Variants in ABCA1 observed in about 807,000 individuals in gnomAD.
ABCA1 encodes the protein ATP binding cassette subfamily A member 1, also known as phospholipid-transporting ATPase ABCA1.
A neutral mutation model predicts 262.5 loss-of-function variants in ABCA1; 133 were observed. That is an observed-to-expected ratio of 0.51 (90% CI 0.44 to 0.59). The LOEUF is 0.59. Among genes scored for constraint, ABCA1 ranks in the 20% least tolerant of loss-of-function variants. The pLI, the probability that ABCA1 is intolerant of heterozygous loss-of-function variation, is 0.00. For missense variants in ABCA1, 2,452 were observed against 2,777.5 expected, an observed-to-expected ratio of 0.88 and a Z score of 2.63; for synonymous variants, 1,022 against 1,043.5, an observed-to-expected ratio of 0.98 and a Z score of 0.40.
intron 31 of ABCA1, among the ~76,000 whole-genome samples, chr9:104,805,891 G>A (rs866426516): frequency 6.6e-6 from 1 of 152,202 alleles, no homozygotes; most frequent in Non-Finnish European, 1.5e-5. Flanking sequence ...GATCACCTGA[G>A]GTCAGGAATT....
intron 5 of ABCA1, among the ~76,000 whole-genome samples, chr9:104,867,773 C>G (rs1461640695): frequency 6.6e-6 from 1 of 152,102 alleles, no homozygotes; most frequent in Non-Finnish European, 1.5e-5. Context: ...TGGAAGATGA[C>G]CTGGACGAAA....
In ABCA1 at chr9:104,787,990, T is replaced by C. The variant is rs1829072022; in HGVS notation, c.6134A>G (p.Tyr2045Cys). The part of the protein sequence containing the change: ...VKYGEKYAGN[Y>C]SGGNKRKLST... ...GAGCTTGCGTTTGTTGCCTCCACTA[T>C]AGTTACCAGCATATTTTTCTCCATA... Residue 2045 changes from tyrosine (Y) to cysteine (C), a missense_variant, in exon 46 of 50, where the codon TAT (tyrosine) becomes TGT (cysteine). By Grantham distance (194) the Tyr-to-Cys change is radical (BLOSUM62 -2). Coordinates refer to ENST00000374736, the MANE Select transcript of ABCA1 (RefSeq NM_005502.4). The C allele has an allele frequency of 6.2e-7, 1 of 1,614,200 alleles. No individual in the cohort carries two copies. The highest frequency in any genetic ancestry group is 1.6e-4 in the Middle Eastern group (1 of 6,062).
Position 104,792,884 on chromosome 9 carries a change from G to A in ABCA1, c.5659C>T (p.Pro1887Ser). The stretch of plus-strand genomic sequence containing the variant: ...ACATCTTCATCTTCATCATTCAGAG[G>A]AGATAGCTTTGCATTTACAGGTCTT... The part of the protein sequence containing the change: ...RPRPVNAKLS[P>S]LNDEDEDVRR... The change falls in exon 42 of 50, where the codon CCT becomes TCT. Residue 1887 changes from proline to serine, a missense_variant. Physicochemically the swap from Pro to Ser is moderately conservative, Grantham distance 74. Coordinates refer to ENST00000374736, the MANE Select transcript of ABCA1 (RefSeq NM_005502.4). 6.2e-7 allele frequency: 1 copy of A among 1,614,004 alleles called. No individual in the cohort carries two copies. Among genetic ancestry groups the A allele is most frequent in the South Asian group, 1.1e-5 (1 of 91,062 alleles).
chr9:104,844,780 T>A (rs4149295), intron 8 of ABCA1, among the ~76,000 whole-genome samples: 40,669 of 152,164 alleles, frequency 0.27, 9,303 homozygotes, highest in African/African-American at 0.63. Context: ...CTTCCTATGC[T>A]GGGGGACACC....
chr9:104,859,494 T>A (rs889559877), intron 6 of ABCA1, among the ~76,000 whole-genome samples: 7 of 150,954 alleles, frequency 4.6e-5, no homozygotes, highest in Non-Finnish European at 8.8e-5. Flanking sequence ...CAATGCAGAC[T>A]CTTTATTACA....
chr9:104,806,481 T>A (rs1365205864), intron 30 of ABCA1, 51 bp from the exon 31 acceptor site: 6 of 1,585,162 alleles, frequency 3.8e-6, no homozygotes, highest in Non-Finnish European at 4.3e-6. Context: ...GCCTGGCCTT[T>A]CTGTTGCCTC....
chr9:104,854,747 A>C (rs758594766), intron 7 of ABCA1, among the ~76,000 whole-genome samples: 8 of 152,196 alleles, frequency 5.3e-5, no homozygotes, highest in Non-Finnish European at 1.2e-4. Context: ...GAAGTTGTTA[A>C]CTCAACAGTA....
intron 28 of ABCA1, among the ~76,000 whole-genome samples, chr9:104,811,992 T>A (rs1312545308): frequency 2.0e-5 from 3 of 152,166 alleles, no homozygotes; most frequent in Non-Finnish European, 4.4e-5. Flanking sequence ...AGTGAAAAAA[T>A]TTAACCTTTC....
chr9:104,799,267 TGGCAATTTACATGAA>T (rs1222193074), intron 36 of ABCA1, among the ~76,000 whole-genome samples: 1 of 152,098 alleles, frequency 6.6e-6, no homozygotes. Flanking sequence ...GTGCTGGGCT[TGGCAATTTACATGAA>T]CTGCCTCATT....
intron 2 of ABCA1, among the ~76,000 whole-genome samples, chr9:104,892,116 G>A (rs888678401): frequency 2.6e-5 from 4 of 151,424 alleles, no homozygotes; most frequent in African/African-American, 7.3e-5. Context: ...TTGCATAGAC[G>A]GCACAACAGA....
At chr9:104,861,423 A>G in intron 6 of ABCA1, 1 of 600,412 alleles carries the variant, frequency 1.7e-6, no homozygotes. Flanking sequence ...GGAAATCATC[A>G]CAAATGCCAA....
rs1380230769 is a variant in ABCA1 at position 104,830,940 on chromosome 9, C to A, written c.1877G>T (p.Cys626Phe). ...GVYMQQMPYP[C>F]YVDDIFLRVM... Reference sequence around the variant, plus strand: ...GGTAACTTACATGTCATCAACGTAACAGGGATAGGGCATCTGTTGCATATA... The same window carrying A: ...GGTAACTTACATGTCATCAACGTAAAAGGGATAGGGCATCTGTTGCATATA... Residue 626 changes from cysteine to phenylalanine, a missense_variant, in exon 14 of 50, where the codon TGT (cysteine) becomes TTT (phenylalanine). Physicochemically the swap from Cys to Phe is radical, Grantham distance 205 (BLOSUM62 -2). This residue lies in a region of ABCA1 where 1,032 missense variants were observed against 1,089.7 expected (regional missense o/e 0.95). Coordinates refer to ENST00000374736, the MANE Select transcript of ABCA1 (RefSeq NM_005502.4). 1.2e-6 allele frequency: 2 copies of A among 1,613,702 alleles called. No individual in the cohort carries two copies. The highest frequency in any genetic ancestry group is 2.2e-5 in the South Asian group (2 of 91,026).
chr9:104,831,168 AAAT>A, intron 13 of ABCA1, 67 bp from the exon 14 acceptor site: 4 of 1,388,320 alleles, frequency 2.9e-6, no homozygotes, highest in Non-Finnish European at 3.9e-6. Context: ...AAAAAAAAAA[AAAT>A]TGCCCAAAAC....
chr9:104,869,974 T>C (rs941859419), intron 5 of ABCA1, among the ~76,000 whole-genome samples: 13 of 152,188 alleles, frequency 8.5e-5, no homozygotes, highest in Non-Finnish European at 1.6e-4. Context: ...GACTCACACA[T>C]ACTCCTTGAG....
chr9:104,886,732 A>T (rs1213222260), intron 3 of ABCA1, among the ~76,000 whole-genome samples: 1 of 152,200 alleles, frequency 6.6e-6, no homozygotes, highest in Non-Finnish European at 1.5e-5. Flanking sequence ...TTTGCAAACA[A>T]AAGTAGGATC....
intron 1 of ABCA1, among the ~76,000 whole-genome samples, chr9:104,922,134 A>G (rs1319508434): frequency 2.0e-5 from 3 of 152,336 alleles, no homozygotes; most frequent in Admixed American, 1.3e-4. Flanking sequence ...GTGCTCCTCC[A>G]TTGTTGGAAT....
chr9:104,907,395 C>G (rs1207478804), intron 1 of ABCA1, among the ~76,000 whole-genome samples: 1 of 152,170 alleles, frequency 6.6e-6, no homozygotes, highest in Non-Finnish European at 1.5e-5. Flanking sequence ...TTTCTACCTT[C>G]TGAGTCAGAG....
rs1458896707 is a variant in ABCA1 at position 104,782,841 on chromosome 9, T to C, written c.*1474A>G. On this transcript the variant is annotated 3_prime_UTR_variant, in exon 50 of 50. Transcript: ENST00000374736. ...TTATACTTTCTTGGCTTTTGCATTG[T>C]TGCAATTAAAAAAAAAAAAAAAAAG... is the stretch of plus-strand genomic sequence containing the variant. 7.2e-6 allele frequency: 1 copy of C among 139,660 alleles called. No individual in the cohort carries two copies. The highest frequency in any genetic ancestry group is 2.8e-5 in the African/African-American group (1 of 35,818). 8.7% of individuals were successfully genotyped at this position (139,660 alleles called of 1,614,324 possible). A position where few individuals can be genotyped will look rare whatever the true frequency, so the allele number is the denominator to read the frequency against.
At chr9:104,880,419 G>A (rs1034647067) in intron 5 of ABCA1, among the ~76,000 whole-genome samples, 2 of 151,830 alleles carry the variant, frequency 1.3e-5, no homozygotes, top group Non-Finnish European at 2.9e-5. Flanking sequence ...AGGATCACTT[G>A]AGCCCAGGAA....
Sources: gnomAD v4.1 joint callset for allele counts (sites outside exome capture counted in the v4.1 genomes callset) on GRCh38, gnomAD v4.1.1 for gene constraint, gnomAD v4.1.1 regional missense constraint, MANE v1.5 for transcripts, NCBI Gene and HGNC (gene_info 2026-07-23, HGNC 2026-07-21) for gene names.